RAB11FIP4: variants seen among roughly 807,000 people sequenced by gnomAD.
RAB11FIP4 encodes RAB11 family interacting protein 4, also known as rab11 family-interacting protein 4.
Under a neutral mutation model 74.3 loss-of-function variants are expected in RAB11FIP4, and 23 were observed. The ratio of observed to expected loss-of-function variants is 0.31; its 90% CI spans 0.22 to 0.44. The LOEUF (loss-of-function observed/expected upper bound fraction) is 0.44, where lower values mean the gene tolerates loss of function less well. Among genes scored for constraint, RAB11FIP4 ranks in the 20% least tolerant of loss-of-function variants. The probability of loss-of-function intolerance (pLI) is 1.00; values close to 1 mark genes in which losing one functional copy is unlikely to be tolerated. For missense variants in RAB11FIP4, 630 were observed against 863.9 expected (o/e 0.73, Z 3.39); for synonymous variants, 360 against 359.9 (o/e 1.00, Z 0.00).
intron 1 of RAB11FIP4, among the ~76,000 whole-genome samples, chr17:31,419,553 CTTT>C (rs559266824): frequency 1.4e-5 from 2 of 138,246 alleles, no homozygotes; most frequent in Non-Finnish European, 1.6e-5. Context: ...TTTCTTTTTT[CTTT>C]TTTTTTTTTT....
chr17:31,530,446 A>G lies in RAB11FIP4; in HGVS notation c.1774A>G (p.Ile592Val). The change falls in exon 14 of 15, where the codon ATA (isoleucine) becomes GTA (valine). Residue 592 changes from isoleucine (I) to valine (V), a missense_variant. Ile to Val is a conservative substitution (Grantham distance 29). Coordinates refer to ENST00000621161, the MANE Select transcript of RAB11FIP4 (RefSeq NM_032932.6). ...QTKAQSLAAE[I>V]DTASRDELME... is the part of the protein sequence containing the mutation. ...TAAAGCCCAGTCTCTGGCTGCGGAGATAGACACCGCCTCGCGCGATGAGGT... is the reference window on the plus strand; with the variant it reads ...TAAAGCCCAGTCTCTGGCTGCGGAGGTAGACACCGCCTCGCGCGATGAGGT... The G allele has an allele frequency of 6.2e-7, 1 of 1,613,936 alleles. No homozygotes were observed. The highest frequency in any genetic ancestry group is 2.2e-5 in the East Asian group (1 of 44,874).
intron 1 of RAB11FIP4, among the ~76,000 whole-genome samples, chr17:31,405,672 C>CA (rs2071035718): frequency 6.6e-6 from 1 of 151,928 alleles, no homozygotes; most frequent in South Asian, 2.1e-4. Flanking sequence ...ATTTTAAAAG[C>CA]AAAAAAATTA....
chr17:31,412,703 A>T (rs2071109811), intron 1 of RAB11FIP4, among the ~76,000 whole-genome samples: 1 of 152,138 alleles, frequency 6.6e-6, no homozygotes, highest in Non-Finnish European at 1.5e-5. Context: ...CTGGCCCAGG[A>T]AATGTACGTG....
intron 3 of RAB11FIP4, among the ~76,000 whole-genome samples, chr17:31,460,421 C>T (rs1215601011): frequency 1.6e-4 from 25 of 152,054 alleles, no homozygotes; most frequent in Admixed American, 1.6e-3. Flanking sequence ...CATCTCTGAA[C>T]GTTGTTTTCT....
Position 31,521,307 on chromosome 17 carries a change from T to C in RAB11FIP4, c.705T>C (p.Asp235=), listed in dbSNP as rs1180597349. 6.2e-7 allele frequency: 1 copy of C among 1,613,956 alleles called. No individual in the cohort carries two copies. The highest frequency in any genetic ancestry group is 8.5e-7 in the Non-Finnish European group (1 of 1,179,908). ...GTGCCCCCAGCAGCCCTTGCCCCGATGATGAGACCAGGACCAACGTCTACT... is the reference window on the plus strand; with the variant it reads ...GTGCCCCCAGCAGCCCTTGCCCCGACGATGAGACCAGGACCAACGTCTACT... ...VDCAPSSPCP[D]DETRTNVYSD... The change falls in exon 5 of 15, where the codon GAT becomes GAC. Residue 235 remains aspartate (D), a synonymous_variant. Coordinates refer to ENST00000621161, the MANE Select transcript of RAB11FIP4 (RefSeq NM_032932.6).
At chr17:31,531,484 G>GGCCCACCTTGCCCAGGATCTCCTGAT (rs2142835908) in intron 14 of RAB11FIP4, 132 bp from the exon 15 acceptor site, 2 of 674,936 alleles carry the variant, frequency 3.0e-6, no homozygotes, top group East Asian at 5.0e-5. Context: ...GCTGTCCTGG[G>GGCCCACCTTGCCCAGGATCTCCTGAT]GCCCACCTTG....
At chr17:31,437,651 TC>T (rs963931675) in intron 3 of RAB11FIP4, among the ~76,000 whole-genome samples, 1 of 152,160 alleles carries the variant, frequency 6.6e-6, no homozygotes, top group African/African-American at 2.4e-5. Flanking sequence ...CACAGCCCCC[TC>T]CCCTCAGGGT....
chr17:31,427,267 G>T (rs2071262287), intron 1 of RAB11FIP4, among the ~76,000 whole-genome samples: 1 of 152,188 alleles, frequency 6.6e-6, no homozygotes, highest in Non-Finnish European at 1.5e-5. Context: ...GGCTGGCCTG[G>T]CACTTTTGTG....
chr17:31,490,169 ATC>A (rs2071981539), intron 3 of RAB11FIP4, among the ~76,000 whole-genome samples: 1 of 152,032 alleles, frequency 6.6e-6, no homozygotes, highest in South Asian at 2.1e-4. Flanking sequence ...CCTCCCGACC[ATC>A]TGTGCCACTT....
At chr17:31,396,948 A>G (rs1271652703) in intron 1 of RAB11FIP4, among the ~76,000 whole-genome samples, 2 of 152,132 alleles carry the variant, frequency 1.3e-5, no homozygotes, top group African/African-American at 4.8e-5. Context: ...CCTCTGAGCT[A>G]ATGCCTGCTA....
At position 31,523,503 on chromosome 17, in the gene RAB11FIP4, C is replaced by T. The variant is rs2072706782; in HGVS notation, c.930-9C>T. 2 of 1,612,350 alleles carry T rather than the reference C, an allele frequency of 1.2e-6. No individual in the cohort carries two copies. Among genetic ancestry groups the T allele is most frequent in the Non-Finnish European group, 8.5e-7 (1 of 1,178,568 alleles). On this transcript the variant is annotated splice_polypyrimidine_tract_variant and intron_variant, in intron 7 of 14. Coordinates refer to ENST00000621161, the MANE Select transcript of RAB11FIP4 (RefSeq NM_032932.6). ...CCTGCAGCCAGACACCCTCCTCCCA[C>T]CCCTGCAGGCAGCTCATGCACAGCA...
At chr17:31,433,940 C>T in intron 2 of RAB11FIP4, 94 bp from the exon 3 acceptor site, 1 of 1,277,818 alleles carries the variant, frequency 7.8e-7, no homozygotes, top group South Asian at 1.3e-5. Flanking sequence ...CACCTCAGCC[C>T]TTCCCACCCT....
intron 3 of RAB11FIP4, among the ~76,000 whole-genome samples, chr17:31,483,550 G>C (rs1191915401): frequency 6.6e-6 from 1 of 152,230 alleles, no homozygotes; most frequent in Non-Finnish European, 1.5e-5. Flanking sequence ...ACAGCAGACA[G>C]AAGTGGAGCT....
intron 3 of RAB11FIP4, among the ~76,000 whole-genome samples, chr17:31,466,101 G>A (rs1374947210): frequency 2.6e-5 from 4 of 152,044 alleles, no homozygotes; most frequent in Admixed American, 6.6e-5. Context: ...CCGAGATCAC[G>A]CCACTGCACT....
intron 3 of RAB11FIP4, among the ~76,000 whole-genome samples, chr17:31,472,774 C>T (rs1488727560): frequency 1.3e-5 from 2 of 151,160 alleles, no homozygotes; most frequent in Admixed American, 6.6e-5. Context: ...GGTTCATGCC[C>T]GTAATCCCAG....
rs561038985 is a variant in RAB11FIP4 at position 31,404,283 on chromosome 17, C to T, written c.159+12272C>T. Among the ~76,000 whole-genome samples, 11 of 152,350 alleles carry T rather than the reference C, an allele frequency of 7.2e-5. No homozygotes were observed. In the East Asian group the frequency reaches 1.3e-3, roughly 19 times the overall value. ...CAGTCAGAGGCCCTGCAGCCCCAGCCGGCCTTGGCCCCATCCTGCTCTCCG... is the reference window on the plus strand; with the variant it reads ...CAGTCAGAGGCCCTGCAGCCCCAGCTGGCCTTGGCCCCATCCTGCTCTCCG... On this transcript the variant is annotated intron_variant, in intron 1 of 14. Coordinates refer to ENST00000621161, the MANE Select transcript of RAB11FIP4 (RefSeq NM_032932.6).
At chr17:31,399,946 G>A (rs1463287002) in intron 1 of RAB11FIP4, among the ~76,000 whole-genome samples, 1 of 151,650 alleles carries the variant, frequency 6.6e-6, no homozygotes, top group Admixed American at 6.6e-5. Context: ...GGGAGGCTGA[G>A]GCAGGAGAAT....
intron 3 of RAB11FIP4, among the ~76,000 whole-genome samples, chr17:31,505,607 TAATTA>T (rs1476372557): frequency 7.7e-4 from 36 of 46,698 alleles, no homozygotes; most frequent in African/African-American, 3.0e-3. Flanking sequence ...TATATAATAA[TAATTA>T]TATATAATAT....
intron 1 of RAB11FIP4, among the ~76,000 whole-genome samples, chr17:31,396,747 C>T (rs1466921569): frequency 6.6e-6 from 1 of 152,160 alleles, no homozygotes; most frequent in Non-Finnish European, 1.5e-5. Context: ...GACCACACTT[C>T]CCTGTGACAT....
Sources: allele counts gnomAD v4.1 joint callset (sites outside exome capture counted in the v4.1 genomes callset), GRCh38; gene constraint gnomAD v4.1.1; transcripts MANE v1.5; gene names NCBI Gene and HGNC (gene_info 2026-07-23, HGNC 2026-07-21).